The following NHLRC2 variants were observed in gnomAD, a reference collection of about 807,000 sequenced individuals.
NHLRC2 encodes the protein NHL repeat-containing protein 2.
NHLRC2 carries 33 observed loss-of-function variants against 68.1 expected under a neutral mutation model. That is an observed-to-expected ratio of 0.48 (90% CI 0.37 to 0.65). The LOEUF is 0.65. Among genes scored for constraint, NHLRC2 ranks in the 30% least tolerant of loss-of-function variants. The probability of loss-of-function intolerance (pLI) is 0.00; values close to 1 mark genes in which losing one functional copy is unlikely to be tolerated. For missense variants in NHLRC2, 761 were observed against 853.8 expected (o/e 0.89, Z 1.35); for synonymous variants, 311 against 309.6 (o/e 1.00, Z -0.05).
chr10:113,911,872 T>A lies in NHLRC2; in HGVS notation c.*3336T>A, dbSNP rs1846332622. 6.6e-6 allele frequency: 1 copy of A among 151,982 alleles called. No individual in the cohort carries two copies. Among genetic ancestry groups the A allele is most frequent in the Non-Finnish European group, 1.5e-5 (1 of 67,970 alleles). 9.4% of individuals were successfully genotyped at this position (151,982 alleles called of 1,614,324 possible). A position where few individuals can be genotyped will look rare whatever the true frequency, so the allele number is the denominator to read the frequency against. Reference sequence around the variant, plus strand: ...GGATGTTTTTATTTTAATTCTACTTTGCTGTTTTTTTTTTCTTTTCAGTGA... The same window carrying A: ...GGATGTTTTTATTTTAATTCTACTTAGCTGTTTTTTTTTTCTTTTCAGTGA... On this transcript the variant is annotated 3_prime_UTR_variant, in exon 11 of 11. Transcript: ENST00000369301.
Position 113,876,720 on chromosome 10 carries a change from T to A in NHLRC2, c.531T>A (p.Ser177=), listed in dbSNP as rs777025317. 3 of 1,613,922 alleles carry A rather than the reference T, an allele frequency of 1.9e-6. No homozygotes were observed. Among genetic ancestry groups the A allele is most frequent in the Non-Finnish European group, 2.5e-6 (3 of 1,179,836 alleles). ...GACCTCGTGGAAACATGTTGTTTTC[T>A]TTGATTGGAGAGGGACACAAAGATA... ...ILGPRGNMLF[S]LIGEGHKDKL... The change falls in exon 3 of 11, where the codon TCT becomes TCA. Residue 177 remains serine, a synonymous_variant. Coordinates refer to ENST00000369301, the MANE Select transcript of NHLRC2 (RefSeq NM_198514.4).
chr10:113,908,241 A>T (rs80028436), intron 10 of NHLRC2, 39 bp from the exon 11 acceptor site: 2 of 1,525,942 alleles, frequency 1.3e-6, no homozygotes, highest in Admixed American at 3.4e-5. Flanking sequence ...TTTTCTACTT[A>T]TCTTATACAG....
intron 2 of NHLRC2, among the ~76,000 whole-genome samples, chr10:113,873,052 T>A (rs1264905252): frequency 6.6e-6 from 1 of 152,104 alleles, no homozygotes; most frequent in Non-Finnish European, 1.5e-5. Context: ...GAACGTAACT[T>A]ACAAAGACAT....
At chr10:113,863,241 AT>A (rs145591600) in intron 2 of NHLRC2, among the ~76,000 whole-genome samples, 4 of 152,048 alleles carry the variant, frequency 2.6e-5, no homozygotes, top group Admixed American at 6.6e-5. Flanking sequence ...ATTTCAATAG[AT>A]TTTTTTTAAA....
chr10:113,862,249 T>C (rs542434621), intron 2 of NHLRC2, among the ~76,000 whole-genome samples: 17 of 152,218 alleles, frequency 1.1e-4, no homozygotes, highest in Admixed American at 9.2e-4. Flanking sequence ...AGATATAATG[T>C]ACAAAGATGT....
At chr10:113,901,159 C>T (rs1846224691) in intron 6 of NHLRC2, among the ~76,000 whole-genome samples, 1 of 151,964 alleles carries the variant, frequency 6.6e-6, no homozygotes, top group African/African-American at 2.4e-5. Flanking sequence ...AATGTCTGAC[C>T]TGGCCAACTT....
intron 5 of NHLRC2, among the ~76,000 whole-genome samples, chr10:113,897,905 G>A (rs372561400): frequency 6.6e-6 from 1 of 152,192 alleles, no homozygotes; most frequent in African/African-American, 2.4e-5. Context: ...TGAAATTGTT[G>A]TGGGTAAAAT....
intron 8 of NHLRC2, among the ~76,000 whole-genome samples, chr10:113,903,324 T>G (rs1364687534): frequency 6.6e-6 from 1 of 152,174 alleles, no homozygotes; most frequent in Non-Finnish European, 1.5e-5. Flanking sequence ...TAGTCTTTAG[T>G]TCTTAGAATA....
intron 6 of NHLRC2, among the ~76,000 whole-genome samples, chr10:113,899,676 T>C (rs541005972): frequency 1.3e-5 from 2 of 152,216 alleles, no homozygotes; most frequent in Admixed American, 6.5e-5. Context: ...TCCCAGCACT[T>C]TGGGGGGCCG....
intron 5 of NHLRC2, among the ~76,000 whole-genome samples, chr10:113,893,180 G>GT (rs1367702487): frequency 2.0e-5 from 3 of 152,080 alleles, no homozygotes; most frequent in Non-Finnish European, 4.4e-5. Flanking sequence ...GAGGCTGTGG[G>GT]TACATTTAAT....
rs912236391 is a variant in NHLRC2, at chr10:113,908,611, G to A, written c.*75G>A. 2.6e-5 allele frequency: 38 copies of A among 1,457,374 alleles called. No homozygotes were observed. Among genetic ancestry groups the A allele is most frequent in the Non-Finnish European group, 3.3e-5 (35 of 1,056,804 alleles). 90.3% of individuals were successfully genotyped at this position (1,457,374 alleles called of 1,614,324 possible). A position where few individuals can be genotyped will look rare whatever the true frequency, so the allele number is the denominator to read the frequency against. ...TGACTATCACTGTAATTTAAGGAAA[G>A]AAAACTTCAGTTCTGCCTCTGGATA... On this transcript the variant is annotated 3_prime_UTR_variant, in exon 11 of 11. Transcript: ENST00000369301.
At chr10:113,899,067 C>A (rs1281795963) in intron 6 of NHLRC2, among the ~76,000 whole-genome samples, 1 of 152,092 alleles carries the variant, frequency 6.6e-6, no homozygotes, top group Non-Finnish European at 1.5e-5. Flanking sequence ...CCTCACTGTA[C>A]CTGGTGTATA....
At position 113,910,771 on chromosome 10, in the gene NHLRC2, T is replaced by C. The variant is rs1846321007; in HGVS notation, c.*2235T>C. 6.6e-6 allele frequency: 1 copy of C among 152,226 alleles called. No homozygotes were observed. Among genetic ancestry groups the C allele is most frequent in the South Asian group, 2.1e-4 (1 of 4,836 alleles). The allele number at this position is 152,226 out of a possible 1,614,324, so 9.4% of individuals were successfully genotyped here. Reference sequence around the variant, plus strand: ...TAGACTCTATTCCCCTTCATTTGTCTAGACAGTTTTAGGTTAGCCTTAGCT... The same window carrying C: ...TAGACTCTATTCCCCTTCATTTGTCCAGACAGTTTTAGGTTAGCCTTAGCT... On this transcript the variant is annotated 3_prime_UTR_variant, in exon 11 of 11. Transcript: ENST00000369301.
At chr10:113,898,617 C>T (rs1846201269) in intron 6 of NHLRC2, among the ~76,000 whole-genome samples, 1 of 152,220 alleles carries the variant, frequency 6.6e-6, no homozygotes, top group African/African-American at 2.4e-5. Context: ...AATCATTCTC[C>T]TTACTGTCTA....
chr10:113,868,960 A>G (rs542434821), intron 2 of NHLRC2, among the ~76,000 whole-genome samples: 1 of 152,306 alleles, frequency 6.6e-6, no homozygotes, highest in Non-Finnish European at 1.5e-5. Context: ...CTGCAGGAGG[A>G]AAAGAGTGTG....
At chr10:113,905,810 GC>G (rs1846270615) in intron 10 of NHLRC2, among the ~76,000 whole-genome samples, 1 of 152,112 alleles carries the variant, frequency 6.6e-6, no homozygotes. Context: ...CCACTGGCCT[GC>G]AATTATAATA....
At chr10:113,886,050 A>G (rs1306194234) in intron 5 of NHLRC2, among the ~76,000 whole-genome samples, 1 of 152,102 alleles carries the variant, frequency 6.6e-6, no homozygotes, top group Non-Finnish European at 1.5e-5. Context: ...GTTGAAGATT[A>G]CAAAATCAAC....
intron 5 of NHLRC2, among the ~76,000 whole-genome samples, chr10:113,887,485 T>C (rs1846092525): frequency 1.3e-5 from 2 of 152,172 alleles, no homozygotes; most frequent in Admixed American, 1.3e-4. Flanking sequence ...AATGTATATC[T>C]AAGGCTGGGC....
intron 4 of NHLRC2, among the ~76,000 whole-genome samples, chr10:113,882,000 G>A (rs1846039610): frequency 6.6e-6 from 1 of 151,748 alleles, no homozygotes; most frequent in Non-Finnish European, 1.5e-5. Context: ...AAGTTCATGT[G>A]TGAAGTAGCA....
Sources: gnomAD v4.1 joint callset for allele counts (sites outside exome capture counted in the v4.1 genomes callset) on GRCh38, gnomAD v4.1.1 for gene constraint, MANE v1.5 for transcripts, NCBI Gene and HGNC (gene_info 2026-07-23, HGNC 2026-07-21) for gene names.